IQCK: variants seen among roughly 807,000 people sequenced by gnomAD.
The protein encoded by IQCK is IQ domain-containing protein K.
In IQCK, 29 loss-of-function variants were observed where a neutral mutation model predicts 28.1. That is an observed-to-expected ratio of 1.03 (90% CI 0.77 to 1.41). IQCK has a LOEUF of 1.41. IQCK is among the 40% of genes most tolerant of loss of function. The pLI is 0.00. For missense variants in IQCK, 359 were observed against 314.7 expected, an observed-to-expected ratio of 1.14 and a Z score of -1.07; for synonymous variants, 113 against 115.1, an observed-to-expected ratio of 0.98 and a Z score of 0.12.
chr16:19,806,133 A>G (rs191150548), intron 7 of IQCK, among the ~76,000 whole-genome samples: 261 of 152,326 alleles, frequency 1.7e-3, no homozygotes, highest in African/African-American at 6.0e-3. Context: ...AATGAAGTTC[A>G]TTCTAGGCAG....
chr16:19,850,562 A>C (rs941796059), intron 9 of IQCK, among the ~76,000 whole-genome samples: 1 of 152,154 alleles, frequency 6.6e-6, no homozygotes, highest in Non-Finnish European at 1.5e-5. Flanking sequence ...AGGCCCCAGC[A>C]CGGTTGTGGT....
intron 7 of IQCK, among the ~76,000 whole-genome samples, chr16:19,801,302 C>T (rs9937962): frequency 0.064 from 5,522 of 86,204 alleles, 205 homozygotes; most frequent in African/African-American, 0.095. Context: ...CTCTCTCTCT[C>T]TTTTTTTTTT....
rs758595318 is a variant in IQCK, at chr16:19,723,872, ATC to A, written c.181+5386_181+5387del. Among the ~76,000 whole-genome samples, 8 of 151,930 alleles carry A rather than the reference ATC, an allele frequency of 5.3e-5. No individual in the cohort carries two copies. In the East Asian group the frequency reaches 1.5e-3, roughly 29 times the overall value. ...CTACTCAGGAGGCTGAGGCAGGAGA[ATC>A]ACTTGAACCTGGGAGGAGGAGGTTG... On this transcript the variant is annotated intron_variant, in intron 1 of 7. Transcript: ENST00000564186.
rs747767319 is a variant in IQCK at position 19,826,992 on chromosome 16, G to A, written c.691-34G>A. 17 of 1,433,412 alleles carry A rather than the reference G, an allele frequency of 1.2e-5. 1 individual carries two copies. In the East Asian group the frequency reaches 1.6e-4, roughly 13 times the overall value. 88.8% of individuals were successfully genotyped at this position (1,433,412 alleles called of 1,614,324 possible). A position where few individuals can be genotyped will look rare whatever the true frequency, so the allele number is the denominator to read the frequency against. On this transcript the variant is annotated intron_variant, in intron 7 of 7. Coordinates refer to ENST00000564186, the Ensembl canonical transcript of IQCK. ...ATAAGCTAGTGTACAGAAGTGTGTC[G>A]AAAAGGGACTAAAGTTTTACTGGGA... is the stretch of plus-strand genomic sequence containing the variant.
chr16:19,826,418 G>A (rs919273697), intron 7 of IQCK, among the ~76,000 whole-genome samples: 19 of 150,424 alleles, frequency 1.3e-4, no homozygotes, highest in African/African-American at 4.7e-4. Context: ...CTCTCTTGTC[G>A]CCCAGGCTGG....
At chr16:19,856,647 A>T (rs2056566866) in exon 10 of IQCK, 2 of 949,008 alleles carry the variant, frequency 2.1e-6, no homozygotes. Context: ...CTTTAACAAG[A>T]CTTGGAACAT....
At chr16:19,751,464 C>T (rs1003636611) in intron 4 of IQCK, among the ~76,000 whole-genome samples, 8 of 151,722 alleles carry the variant, frequency 5.3e-5, no homozygotes, top group East Asian at 1.9e-4. Flanking sequence ...GGTGACAGAG[C>T]GAGACCCTAT....
intron 7 of IQCK, among the ~76,000 whole-genome samples, chr16:19,803,897 C>T (rs919200697): frequency 1.3e-5 from 2 of 152,178 alleles, no homozygotes; most frequent in Non-Finnish European, 2.9e-5. Context: ...ATTCTCTCAC[C>T]TTGGCCCCCC....
intron 1 of IQCK, among the ~76,000 whole-genome samples, chr16:19,730,024 T>C (rs1194373586): frequency 6.7e-6 from 1 of 149,414 alleles, no homozygotes; most frequent in Admixed American, 6.7e-5. Flanking sequence ...GGCAGGATCT[T>C]GGCTCACTGC....
At chr16:19,809,724 C>T (rs2055878598) in intron 7 of IQCK, among the ~76,000 whole-genome samples, 1 of 152,174 alleles carries the variant, frequency 6.6e-6, no homozygotes, top group Admixed American at 6.5e-5. Flanking sequence ...GGGCACAGTG[C>T]AGCGGTTCTC....
At chr16:19,835,675 C>G (rs1477561252) in intron 9 of IQCK, among the ~76,000 whole-genome samples, 1 of 151,478 alleles carries the variant, frequency 6.6e-6, no homozygotes, top group Non-Finnish European at 1.5e-5. Flanking sequence ...ACATCCACCT[C>G]CCGGGTTCAA....
At chr16:19,718,408 C>G (rs374031829) in exon 1 of IQCK, 20 of 1,605,228 alleles carry the variant, frequency 1.2e-5, no homozygotes, top group Admixed American at 1.7e-5. Context: ...CCGTGTCTCT[C>G]GCGTCCCGCG....
intron 7 of IQCK, among the ~76,000 whole-genome samples, chr16:19,815,190 C>A (rs774349288): frequency 3.4e-4 from 51 of 152,110 alleles, no homozygotes; most frequent in Non-Finnish European, 6.5e-4. Context: ...GAATTTACCA[C>A]TCACTAATAT....
At chr16:19,855,935 C>T (rs2056553966) in intron 9 of IQCK, among the ~76,000 whole-genome samples, 1 of 152,128 alleles carries the variant, frequency 6.6e-6, no homozygotes. Flanking sequence ...AGGCTTTTAT[C>T]TGTTGGGATT....
chr16:19,847,304 C>G (rs1013276776), intron 9 of IQCK, among the ~76,000 whole-genome samples: 2 of 152,002 alleles, frequency 1.3e-5, no homozygotes, highest in Admixed American at 6.6e-5. Flanking sequence ...TGTGTCTGTT[C>G]TCTTCCTCCC....
intron 6 of IQCK, among the ~76,000 whole-genome samples, chr16:19,777,028 G>A (rs2055405659): frequency 6.6e-6 from 1 of 152,198 alleles, no homozygotes; most frequent in African/African-American, 2.4e-5. Flanking sequence ...AGCACGAAGA[G>A]CAAAAGTGCA....
intron 9 of IQCK, among the ~76,000 whole-genome samples, chr16:19,847,581 T>C (rs76448523): frequency 0.056 from 8,450 of 152,246 alleles, 392 homozygotes; most frequent in Admixed American, 0.15. Flanking sequence ...CAGAATGAAC[T>C]CCTTTGTGTC....
intron 7 of IQCK, among the ~76,000 whole-genome samples, chr16:19,824,007 G>T (rs184915776): frequency 1.3e-5 from 2 of 152,122 alleles, no homozygotes; most frequent in African/African-American, 4.8e-5. Flanking sequence ...TGGCACCAGG[G>T]ACCAGTTTCG....
At chr16:19,832,281 A>G (rs1159443854) in intron 9 of IQCK, among the ~76,000 whole-genome samples, 3 of 152,122 alleles carry the variant, frequency 2.0e-5, no homozygotes, top group Non-Finnish European at 4.4e-5. Context: ...ATCATCAGAT[A>G]AATTTATCAT....
Sources: allele counts gnomAD v4.1 joint callset (sites outside exome capture counted in the v4.1 genomes callset), GRCh38; gene constraint gnomAD v4.1.1; transcripts MANE v1.5; gene names NCBI Gene and HGNC (gene_info 2026-07-23, HGNC 2026-07-21).